The following SND1 variants were observed in gnomAD, a reference collection of about 807,000 sequenced individuals.
The protein encoded by SND1 is staphylococcal nuclease domain-containing protein 1.
SND1 carries 38 observed loss-of-function variants against 121.7 expected under a neutral mutation model. That is an observed-to-expected ratio of 0.31 (90% CI 0.24 to 0.41). The LOEUF (loss-of-function observed/expected upper bound fraction) is 0.41. Among genes scored for constraint, SND1 ranks in the 10% least tolerant of loss-of-function variants. SND1 has a pLI of 1.00. For synonymous variants in SND1, 401 were observed against 447.4 expected (o/e 0.90, Z 1.31); for missense variants, 868 against 1,184.6 (o/e 0.73, Z 3.92).
intron 12 of SND1, among the ~76,000 whole-genome samples, chr7:127,882,345 C>T (rs990993490): frequency 7.5e-6 from 1 of 133,256 alleles, no homozygotes; most frequent in African/African-American, 2.7e-5. Flanking sequence ...GTCAGAGCCC[C>T]ATAGGAGGGG....
chr7:127,772,991 T>C (rs899736984), intron 10 of SND1, among the ~76,000 whole-genome samples: 1 of 152,264 alleles, frequency 6.6e-6, no homozygotes, highest in Non-Finnish European at 1.5e-5. Context: ...GTTTTTATTT[T>C]CCAGATTATG....
intron 15 of SND1, among the ~76,000 whole-genome samples, chr7:127,960,595 G>T (rs1005752371): frequency 6.6e-6 from 1 of 152,188 alleles, no homozygotes; most frequent in Non-Finnish European, 1.5e-5. Context: ...AATCAGCCTG[G>T]TTATATGAGG....
At chr7:127,934,969 G>A (rs768866753) in intron 15 of SND1, among the ~76,000 whole-genome samples, 1 of 152,182 alleles carries the variant, frequency 6.6e-6, no homozygotes, top group Non-Finnish European at 1.5e-5. Flanking sequence ...TCATGAGATA[G>A]CATTCTTCTG....
In SND1 at chr7:127,808,965, G is replaced by A. The variant is rs533087935; in HGVS notation, c.1242+1392G>A. 6.6e-5 allele frequency among the ~76,000 whole-genome samples: 10 copies of A among 152,316 alleles called. No individual in the cohort carries two copies. In the East Asian group the frequency reaches 1.2e-3, roughly 18 times the overall value. On this transcript the variant is annotated intron_variant, in intron 11 of 23. Transcript: ENST00000354725. ...AGGAGTGGCAGCACATATCTGATTCGTGTGTAGCCAGTTGTGTGGCGTGTA... is the reference window on the plus strand; with the variant it reads ...AGGAGTGGCAGCACATATCTGATTCATGTGTAGCCAGTTGTGTGGCGTGTA...
At chr7:127,776,120 A>G (rs1372709689) in intron 10 of SND1, among the ~76,000 whole-genome samples, 2 of 152,220 alleles carry the variant, frequency 1.3e-5, no homozygotes, top group African/African-American at 2.4e-5. Flanking sequence ...AGTAGGCTTC[A>G]TGAACATGTG....
intron 14 of SND1, 141 bp from the exon 15 acceptor site, chr7:127,929,047 T>C: frequency 1.4e-6 from 1 of 722,170 alleles, no homozygotes; most frequent in East Asian, 2.6e-5. Context: ...ATGGGTATCA[T>C]GTCTATGTCT....
intron 10 of SND1, among the ~76,000 whole-genome samples, chr7:127,748,512 A>G (rs925393923): frequency 1.6e-4 from 25 of 152,192 alleles, no homozygotes; most frequent in African/African-American, 5.6e-4. Flanking sequence ...TATGAGTGAG[A>G]ATTGGACTAA....
intron 16 of SND1, among the ~76,000 whole-genome samples, chr7:128,016,497 C>A (rs966890437): frequency 6.6e-6 from 1 of 152,174 alleles, no homozygotes; most frequent in African/African-American, 2.4e-5. Context: ...TTGGTGAGCT[C>A]TCATGCTGGA....
At chr7:127,795,390 C>T (rs1185582753) in intron 10 of SND1, among the ~76,000 whole-genome samples, 1 of 152,202 alleles carries the variant, frequency 6.6e-6, no homozygotes, top group Non-Finnish European at 1.5e-5. Flanking sequence ...TTAATCTCAA[C>T]TTCATGAGTT....
At chr7:127,786,393 T>G (rs960057362) in intron 10 of SND1, among the ~76,000 whole-genome samples, 5 of 152,192 alleles carry the variant, frequency 3.3e-5, no homozygotes, top group Non-Finnish European at 5.9e-5. Context: ...TAAAATCTCA[T>G]TGGGAACAAT....
intron 10 of SND1, among the ~76,000 whole-genome samples, chr7:127,773,494 A>G (rs1797555152): frequency 6.6e-6 from 1 of 152,048 alleles, no homozygotes; most frequent in Admixed American, 6.5e-5. Flanking sequence ...GAGTCAGGTT[A>G]GAATAATGGT....
chr7:127,818,753 T>C (rs1027808624), intron 11 of SND1, among the ~76,000 whole-genome samples: 2 of 152,172 alleles, frequency 1.3e-5, no homozygotes, highest in African/African-American at 4.8e-5. Context: ...TCCACCAGGC[T>C]CGGTTTCCAC....
intron 16 of SND1, among the ~76,000 whole-genome samples, chr7:128,040,052 C>G (rs1007860481): frequency 9.9e-5 from 15 of 151,990 alleles, no homozygotes; most frequent in Non-Finnish European, 7.4e-5. Context: ...CTGTCAGTCC[C>G]CAAATTTTGC....
intron 16 of SND1, among the ~76,000 whole-genome samples, chr7:128,064,366 G>A (rs1584769240): frequency 6.6e-6 from 1 of 152,134 alleles, no homozygotes; most frequent in East Asian, 1.9e-4. Flanking sequence ...AGACAAGTCT[G>A]GTACAGAGAC....
chr7:128,083,125 A>G (rs1793633683), intron 18 of SND1, among the ~76,000 whole-genome samples: 1 of 152,146 alleles, frequency 6.6e-6, no homozygotes, highest in Admixed American at 6.5e-5. Context: ...CTTGGGTGGC[A>G]TCCTCTCACC....
At chr7:127,884,631 C>T (rs1350400182) in intron 12 of SND1, among the ~76,000 whole-genome samples, 2 of 152,124 alleles carry the variant, frequency 1.3e-5, no homozygotes, top group Non-Finnish European at 2.9e-5. Flanking sequence ...TCATTCCCTC[C>T]ATTCTGCACA....
intron 16 of SND1, among the ~76,000 whole-genome samples, chr7:128,032,975 C>A (rs1310261561): frequency 6.6e-6 from 1 of 152,206 alleles, no homozygotes; most frequent in Admixed American, 6.5e-5. Flanking sequence ...CCGGAGCCCA[C>A]GACACAGCCC....
rs1356438578 is a variant in SND1, at chr7:127,905,112, T to C, written c.1527+293T>C. Among the ~76,000 whole-genome samples, 3 of 152,238 alleles carry C rather than the reference T, an allele frequency of 2.0e-5. No individual in the cohort carries two copies. The East Asian group carries it at 5.8e-4, about 29-fold the overall frequency. On this transcript the variant is annotated intron_variant, in intron 14 of 23. Coordinates refer to ENST00000354725, the MANE Select transcript of SND1 (RefSeq NM_014390.4). ...TGGAAGGTAGTTCTTCTTGGTTGTA[T>C]TAAAATAAAATTGCCTCTTTTTAAA...
intron 16 of SND1, among the ~76,000 whole-genome samples, chr7:128,067,075 C>G (rs1793329162): frequency 1.3e-5 from 2 of 152,178 alleles, no homozygotes; most frequent in Admixed American, 1.3e-4. Flanking sequence ...TGCTTTTCAT[C>G]TCTCCTGTTG....
Sources: gnomAD v4.1 joint callset for allele counts (sites outside exome capture counted in the v4.1 genomes callset) on GRCh38, gnomAD v4.1.1 for gene constraint, MANE v1.5 for transcripts, NCBI Gene and HGNC (gene_info 2026-07-23, HGNC 2026-07-21) for gene names.